NYAP2: variants seen among roughly 807,000 people sequenced by gnomAD.
The protein encoded by NYAP2 is neuronal tyrosine-phosphorylated phosphoinositide-3-kinase adapter 2.
Under a neutral mutation model 50.4 loss-of-function variants are expected in NYAP2, and 23 were observed. That is an observed-to-expected ratio of 0.46 (90% CI 0.33 to 0.65). The LOEUF (loss-of-function observed/expected upper bound fraction) is 0.65, where lower values mean the gene tolerates loss of function less well. Ranked by LOEUF, NYAP2 falls within the 30% of genes least tolerant of loss-of-function variation. NYAP2 has a pLI of 0.02. For synonymous variants in NYAP2, 394 were observed against 365.2 expected, an observed-to-expected ratio of 1.08 and a Z score of -0.90; for missense variants, 885 against 861.0, an observed-to-expected ratio of 1.03 and a Z score of -0.35.
At chr2:225,645,718 G>T (rs1488389353) in intron 6 of NYAP2, among the ~76,000 whole-genome samples, 5 of 152,128 alleles carry the variant, frequency 3.3e-5, no homozygotes, top group African/African-American at 1.2e-4. Flanking sequence ...CTCTGTCTTA[G>T]ATCTCTTTCC....
At chr2:225,602,148 T>C (rs1692702547) in intron 5 of NYAP2, among the ~76,000 whole-genome samples, 1 of 152,090 alleles carries the variant, frequency 6.6e-6, no homozygotes, top group African/African-American at 2.4e-5. Context: ...TTTTATGGAC[T>C]GGAAGGGGAG....
chr2:225,433,525 A>T (rs1282712311), intron 3 of NYAP2, among the ~76,000 whole-genome samples: 6 of 152,320 alleles, frequency 3.9e-5, no homozygotes, highest in Admixed American at 2.0e-4. Flanking sequence ...AAAAAAATTT[A>T]AAATATATAT....
the NYAP2 span, among the ~76,000 whole-genome samples, chr2:225,695,648 T>A: frequency 6.6e-6 from 1 of 151,834 alleles, no homozygotes; most frequent in Non-Finnish European, 1.5e-5. Context: ...CAGTTTGTAG[T>A]TACTCAATAA....
intron 3 of NYAP2, among the ~76,000 whole-genome samples, chr2:225,500,301 G>A (rs1309593808): frequency 6.6e-6 from 1 of 152,180 alleles, no homozygotes; most frequent in Non-Finnish European, 1.5e-5. Flanking sequence ...GTAAGTTTAA[G>A]TTGCATTCAT....
chr2:225,625,716 AAG>A (rs1217334597), intron 5 of NYAP2, among the ~76,000 whole-genome samples: 1 of 152,130 alleles, frequency 6.6e-6, no homozygotes, highest in Non-Finnish European at 1.5e-5. Context: ...AGGGGAAGGA[AAG>A]AGCAAGAAGG....
At chr2:225,636,451 T>A (rs978112918) in intron 6 of NYAP2, among the ~76,000 whole-genome samples, 1 of 151,734 alleles carries the variant, frequency 6.6e-6, no homozygotes, top group Non-Finnish European at 1.5e-5. Flanking sequence ...TATTCCCCTC[T>A]CCCTGTAATC....
chr2:225,618,777 T>C (rs910634596), intron 5 of NYAP2, among the ~76,000 whole-genome samples: 2 of 152,212 alleles, frequency 1.3e-5, no homozygotes, highest in Non-Finnish European at 2.9e-5. Context: ...CATTGGAACT[T>C]GGTTCTAAGG....
At chr2:225,682,871 G>C in the NYAP2 span, among the ~76,000 whole-genome samples, 1 of 152,126 alleles carries the variant, frequency 6.6e-6, no homozygotes, top group Non-Finnish European at 1.5e-5. Context: ...GTAGCTCTAA[G>C]TTCCATATGT....
the NYAP2 span, among the ~76,000 whole-genome samples, chr2:225,679,639 C>T: frequency 6.6e-6 from 1 of 151,466 alleles, no homozygotes; most frequent in Admixed American, 6.6e-5. Context: ...AGACTACAGG[C>T]ATGCACCACC....
chr2:225,665,628 G>A, the NYAP2 span, among the ~76,000 whole-genome samples: 10 of 150,390 alleles, frequency 6.6e-5, no homozygotes, highest in Non-Finnish European at 1.3e-4. Context: ...GACCAACATG[G>A]TGAAACCCCG....
intron 3 of NYAP2, among the ~76,000 whole-genome samples, chr2:225,454,914 A>G (rs539786643): frequency 1.3e-5 from 2 of 152,226 alleles, no homozygotes; most frequent in South Asian, 4.1e-4. Flanking sequence ...CCAGCTGACC[A>G]TAGAAAAATT....
the NYAP2 span, chr2:225,699,024 T>G: frequency 6.6e-6 from 1 of 151,968 alleles, no homozygotes; most frequent in African/African-American, 2.4e-5. Context: ...GATCTGGTGC[T>G]AGTAACGTAG....
chr2:225,628,322 T>G (rs1693247126), intron 6 of NYAP2, among the ~76,000 whole-genome samples: 1 of 146,028 alleles, frequency 6.8e-6, no homozygotes, highest in Non-Finnish European at 1.5e-5. Context: ...ATAGTTTTTT[T>G]TTTTTTTTTT....
intron 3 of NYAP2, among the ~76,000 whole-genome samples, chr2:225,438,445 C>G (rs1689416598): frequency 6.6e-6 from 1 of 152,210 alleles, no homozygotes; most frequent in South Asian, 2.1e-4. Flanking sequence ...ACAGGGTCAT[C>G]CACTGAGCCC....
intron 3 of NYAP2, among the ~76,000 whole-genome samples, chr2:225,478,651 T>G (rs922682802): frequency 3.3e-5 from 5 of 152,288 alleles, no homozygotes; most frequent in East Asian, 1.9e-4. Flanking sequence ...TGACCTTAAA[T>G]TTTTTCAAGG....
chr2:225,611,300 T>G (rs1692881284), intron 5 of NYAP2, among the ~76,000 whole-genome samples: 2 of 152,162 alleles, frequency 1.3e-5, no homozygotes, highest in Admixed American at 1.3e-4. Context: ...CATGTGTGTG[T>G]GTGTTTTCCA....
chr2:225,514,935 G>A (rs776645125), intron 4 of NYAP2, among the ~76,000 whole-genome samples: 1 of 152,150 alleles, frequency 6.6e-6, no homozygotes, highest in African/African-American at 2.4e-5. Context: ...GGGCTCCCTA[G>A]TCCCTCATGA....
At chr2:225,637,623 C>T (rs963466142) in intron 6 of NYAP2, among the ~76,000 whole-genome samples, 1 of 152,152 alleles carries the variant, frequency 6.6e-6, no homozygotes, top group Admixed American at 6.5e-5. Context: ...AAATGCATAA[C>T]AGAATTCTCA....
intron 3 of NYAP2, among the ~76,000 whole-genome samples, chr2:225,413,958 G>T (rs1173263563): frequency 6.6e-6 from 1 of 152,118 alleles, no homozygotes; most frequent in Admixed American, 6.6e-5. Context: ...GCCAAGGATT[G>T]CTTAAAAAAT....
Sources: allele counts gnomAD v4.1 joint callset (sites outside exome capture counted in the v4.1 genomes callset), GRCh38; gene constraint gnomAD v4.1.1; transcripts MANE v1.5; gene names NCBI Gene and HGNC (gene_info 2026-07-23, HGNC 2026-07-21).